ANKRD33B: variants seen among roughly 807,000 people sequenced by gnomAD.
ANKRD33B encodes the protein ankyrin repeat domain-containing protein 33B.
ANKRD33B carries 6 observed loss-of-function variants against 21.5 expected under a neutral mutation model. The ratio of observed to expected loss-of-function variants is 0.28; its 90% CI spans 0.15 to 0.55. ANKRD33B has a LOEUF of 0.55. Ranked by LOEUF, ANKRD33B falls within the 20% of genes least tolerant of loss-of-function variation. The pLI, the probability that ANKRD33B is intolerant of heterozygous loss-of-function variation, is 0.94. For missense variants in ANKRD33B, 698 were observed against 747.2 expected (o/e 0.93, Z 0.77); for synonymous variants, 347 against 342.4 (o/e 1.01, Z -0.15).
At position 10,580,142 on chromosome 5, in the gene ANKRD33B, C is replaced by T. The variant is rs181239118; in HGVS notation, c.366+15309C>T. 2.0e-5 allele frequency among the ~76,000 whole-genome samples: 3 copies of T among 152,310 alleles called. No individual in the cohort carries two copies. The East Asian group carries it at 5.8e-4, about 29-fold the overall frequency. On this transcript the variant is annotated intron_variant, in intron 1 of 3. Coordinates refer to ENST00000296657, the MANE Select transcript of ANKRD33B (RefSeq NM_001164440.2). Reference sequence around the variant, plus strand: ...AGAGAGTAGGACAATCACTCCACCACCAGGAGTGGCTGCCACATGCAAGAC... The same window carrying T: ...AGAGAGTAGGACAATCACTCCACCATCAGGAGTGGCTGCCACATGCAAGAC...
Position 10,652,417 on chromosome 5 carries a change from G to A in ANKRD33B, c.*2304G>A, listed in dbSNP as rs1207674967. On this transcript the variant is annotated 3_prime_UTR_variant, in exon 4 of 4. Transcript: ENST00000296657. This position sits in a 1 kb window ranked among gnomAD's most constrained non-coding sequence, Gnocchi z 4.1. ...CAGAGGGCTCCACCTCCCCAAGAAT[G>A]TCTCATTGTCATTGGAACAGCCAGG... 6.6e-6 allele frequency: 1 copy of A among 152,502 alleles called. No homozygotes were observed. The highest frequency in any genetic ancestry group is 2.4e-5 in the African/African-American group (1 of 41,470). 9.4% of individuals were successfully genotyped at this position (152,502 alleles called of 1,614,324 possible).
chr5:10,641,077 C>T (rs150302886), intron 3 of ANKRD33B, among the ~76,000 whole-genome samples: 1 of 152,248 alleles, frequency 6.6e-6, no homozygotes, highest in African/African-American at 2.4e-5. Context: ...ACAGCACCAC[C>T]CCTGTCTTGG....
intron 3 of ANKRD33B, among the ~76,000 whole-genome samples, chr5:10,639,671 G>C (rs868247727): frequency 3.2e-4 from 7 of 21,710 alleles, no homozygotes; most frequent in Non-Finnish European, 4.1e-4. Flanking sequence ...GGTGACGTGG[G>C]GTTGCGCGGC....
rs745845780 is a variant in ANKRD33B at position 10,652,707 on chromosome 5, C to G, written c.*2594C>G. 9.0e-5 allele frequency: 15 copies of G among 166,522 alleles called. No homozygotes were observed. The highest frequency in any genetic ancestry group is 2.0e-4 in the Non-Finnish European group (15 of 74,788). 10.3% of individuals were successfully genotyped at this position (166,522 alleles called of 1,614,324 possible). On this transcript the variant is annotated 3_prime_UTR_variant, in exon 4 of 4. Coordinates refer to ENST00000296657, the MANE Select transcript of ANKRD33B (RefSeq NM_001164440.2). The surrounding 1 kb of genome is among the most constrained non-coding windows in gnomAD (Gnocchi z 4.1). ...GGACAGCAAATGACTGGCAATTTCC[C>G]CAGGTCCCACGCTGTTCTGGAGTGG...
chr5:10,573,615 A>T (rs368148780), intron 1 of ANKRD33B, among the ~76,000 whole-genome samples: 17 of 152,336 alleles, frequency 1.1e-4, no homozygotes, highest in Admixed American at 5.9e-4. Context: ...ACAGTTCCAC[A>T]TGGCTGGGGA....
In ANKRD33B at chr5:10,564,821, C is replaced by G. The variant is rs1735009573; in HGVS notation, c.354C>G (p.Asp118Glu). Residue 118 changes from aspartate to glutamate, a missense_variant, in exon 1 of 4, where the codon GAC (aspartate) becomes GAG (glutamate). Transcript: ENST00000296657. Reference protein sequence around the residue: ...GVSVEEAQETDRNGRTGLIVA... With the variant: ...GVSVEEAQETERNGRTGLIVA... ...GCGTCGAGGAGGCGCAGGAGACTGA[C>G]CGCAACGGCAGGGTAAGCGGGCGTC... 9 of 1,506,724 alleles carry G rather than the reference C, an allele frequency of 6.0e-6. No homozygotes were observed. In the Admixed American group the frequency reaches 1.6e-4, roughly 27 times the overall value. The allele number at this position is 1,506,724 out of a possible 1,614,324, so 93.3% of individuals were successfully genotyped here. A position where few individuals can be genotyped will look rare whatever the true frequency, so the allele number is the denominator to read the frequency against.
intron 1 of ANKRD33B, among the ~76,000 whole-genome samples, chr5:10,610,789 A>G (rs1036698612): frequency 1.3e-5 from 2 of 152,222 alleles, no homozygotes; most frequent in African/African-American, 4.8e-5. Flanking sequence ...TCACGTCTGT[A>G]ATCCCGGCAC....
At position 10,651,822 on chromosome 5, in the gene ANKRD33B, C is replaced by T. The variant is rs1737363292; in HGVS notation, c.*1709C>T. The T allele has an allele frequency of 6.6e-6, 1 of 152,374 alleles. No individual in the cohort carries two copies. Among genetic ancestry groups the T allele is most frequent in the African/African-American group, 2.4e-5 (1 of 41,418 alleles). The allele number at this position is 152,374 out of a possible 1,614,324, so 9.4% of individuals were successfully genotyped here. A position where few individuals can be genotyped will look rare whatever the true frequency, so the allele number is the denominator to read the frequency against. On this transcript the variant is annotated 3_prime_UTR_variant, in exon 4 of 4. Transcript: ENST00000296657. ...GATCTTAAACTGGCCTCTCCAAATA[C>T]TCCATTGAACAGGACTGCAGGCTGC...
intron 2 of ANKRD33B, among the ~76,000 whole-genome samples, chr5:10,631,819 C>T (rs957213999): frequency 3.3e-5 from 5 of 152,192 alleles, no homozygotes; most frequent in African/African-American, 1.2e-4. Flanking sequence ...GACATGAAAA[C>T]CCTCACTGCG....
At chr5:10,570,248 A>G (rs564361643) in intron 1 of ANKRD33B, among the ~76,000 whole-genome samples, 3 of 152,190 alleles carry the variant, frequency 2.0e-5, no homozygotes, top group Admixed American at 6.5e-5. Context: ...ATAGCTACAA[A>G]ACCTTACAGG....
chr5:10,645,108 C>G (rs1384702473), intron 3 of ANKRD33B, among the ~76,000 whole-genome samples: 2 of 152,156 alleles, frequency 1.3e-5, no homozygotes, highest in Non-Finnish European at 2.9e-5. Flanking sequence ...GGCTTGTCCT[C>G]CCTGCTGGGC....
At chr5:10,644,296 A>C (rs1349203684) in intron 3 of ANKRD33B, among the ~76,000 whole-genome samples, 1 of 152,240 alleles carries the variant, frequency 6.6e-6, no homozygotes. Context: ...GCTGAAGAGC[A>C]TCACAAGGGA....
In ANKRD33B at chr5:10,618,338, C is replaced by A; in HGVS notation, c.372C>A (p.Gly124=). Residue 124 remains glycine, a synonymous_variant, in exon 2 of 4, where the codon GGC becomes GGA. Transcript: ENST00000296657. ...CTTCCCCTCTTCATTTCTAGACCGG[C>A]CTTATTGTCGCCTGCTACCACGGCT... is the stretch of plus-strand genomic sequence containing the variant. ...AQETDRNGRT[G]LIVACYHGFV... 2.0e-6 allele frequency: 3 copies of A among 1,537,324 alleles called. No individual in the cohort carries two copies. In the African/African-American group the frequency reaches 4.1e-5, roughly 21 times the overall value.
chr5:10,649,757 G>C lies in ANKRD33B; in HGVS notation c.1129G>C (p.Asp377His). 2 of 1,442,940 alleles carry C rather than the reference G, an allele frequency of 1.4e-6. No homozygotes were observed. Among genetic ancestry groups the C allele is most frequent in the Non-Finnish European group, 1.8e-6 (2 of 1,103,290 alleles). The allele number at this position is 1,442,940 out of a possible 1,614,324, so 89.4% of individuals were successfully genotyped here. ...CGGGCGGACCGGACAGGAGGACGCG[G>C]ACTCCCGGGAGGGCTCCCCGAGAGC... ...QRGRTGQEDA[D>H]SREGSPRAGL... Residue 377 changes from aspartate to histidine, a missense_variant, in exon 4 of 4, where the codon GAC (aspartate) becomes CAC (histidine). Coordinates refer to ENST00000296657, the MANE Select transcript of ANKRD33B (RefSeq NM_001164440.2).
chr5:10,618,300 C>T (rs776842556), intron 1 of ANKRD33B, 33 bp from the exon 2 acceptor site: 3 of 1,535,934 alleles, frequency 2.0e-6, no homozygotes. Flanking sequence ...TCCGACTCTG[C>T]CCCTCTGACC....
intron 3 of ANKRD33B, among the ~76,000 whole-genome samples, chr5:10,639,886 G>A (rs376765278): frequency 0.024 from 578 of 24,480 alleles, 69 homozygotes; most frequent in African/African-American, 0.051. Flanking sequence ...GCGGTGACGT[G>A]GAGTTGTGCG....
intron 1 of ANKRD33B, among the ~76,000 whole-genome samples, chr5:10,571,480 G>A (rs1241850626): frequency 6.6e-6 from 1 of 152,168 alleles, no homozygotes; most frequent in African/African-American, 2.4e-5. Flanking sequence ...GGGATTACAG[G>A]CCTGTGCCAC....
chr5:10,589,901 T>G (rs1735645039), intron 1 of ANKRD33B, among the ~76,000 whole-genome samples: 1 of 152,176 alleles, frequency 6.6e-6, no homozygotes, highest in East Asian at 1.9e-4. Flanking sequence ...ATTAGACCTT[T>G]TATACCATGC....
intron 1 of ANKRD33B, among the ~76,000 whole-genome samples, chr5:10,590,871 G>A (rs746082386): frequency 3.3e-5 from 5 of 152,032 alleles, no homozygotes; most frequent in African/African-American, 9.7e-5. Context: ...CAGGATTTCC[G>A]CCTTCTTTCT....
Sources: allele counts gnomAD v4.1 joint callset (sites outside exome capture counted in the v4.1 genomes callset), GRCh38; gene constraint gnomAD v4.1.1; non-coding constraint Gnocchi (gnomAD v3.1); transcripts MANE v1.5; gene names NCBI Gene and HGNC (gene_info 2026-07-23, HGNC 2026-07-21).